FDCSP: variants seen among roughly 807,000 people sequenced by gnomAD.
FDCSP encodes follicular dendritic cell secreted protein.
Under a neutral mutation model 8.9 loss-of-function variants are expected in FDCSP, and 8 were observed. That is an observed-to-expected ratio of 0.90 (90% CI 0.53 to 1.63). FDCSP has a LOEUF of 1.63. Ranked by LOEUF, FDCSP falls within the 40% of genes most tolerant of loss-of-function variation. FDCSP has a pLI of 0.00. For synonymous variants in FDCSP, 34 were observed against 34.5 expected (o/e 0.98, Z 0.06); for missense variants, 101 against 103.6 (o/e 0.98, Z 0.11).
At chr4:70,234,569 A>T (rs2109687557) in intron 4 of FDCSP, among the ~76,000 whole-genome samples, 1 of 151,772 alleles carries the variant, frequency 6.6e-6, no homozygotes, top group South Asian at 2.1e-4. Context: ...ATAGTAGATG[A>T]AGTTATGGGC....
At chr4:70,233,880 C>T in intron 3 of FDCSP, 140 bp from the exon 4 acceptor site, 1 of 702,126 alleles carries the variant, frequency 1.4e-6, no homozygotes, top group Non-Finnish European at 2.3e-6. Flanking sequence ...GTCCATAGTA[C>T]ACACAGAAAG....
chr4:70,229,684 G>T (rs1730046908), intron 1 of FDCSP, among the ~76,000 whole-genome samples: 1 of 151,588 alleles, frequency 6.6e-6, no homozygotes, highest in Non-Finnish European at 1.5e-5. Flanking sequence ...ATAACTGGGG[G>T]CATGGCCAGT....
intron 4 of FDCSP, among the ~76,000 whole-genome samples, chr4:70,234,782 A>G (rs190709310): frequency 6.6e-6 from 1 of 151,308 alleles, no homozygotes. Context: ...TTGAGGAAAT[A>G]TAATCTATAC....
In FDCSP at chr4:70,234,289, A is replaced by T. The variant is rs1168618355; in HGVS notation, c.*28+74A>T. 14 of 1,259,020 alleles carry T rather than the reference A, an allele frequency of 1.1e-5. No individual in the cohort carries two copies. The East Asian group carries it at 3.5e-4, about 32-fold the overall frequency. 78.0% of individuals were successfully genotyped at this position (1,259,020 alleles called of 1,614,324 possible). On this transcript the variant is annotated intron_variant, in intron 4 of 4. Transcript: ENST00000317987. ...GAATCCATAATTTCAAGGAAAAAAA[A>T]ATGTTAACTATGTCCCTAGTTGGCC...
intron 3 of FDCSP, among the ~76,000 whole-genome samples, chr4:70,233,647 G>A (rs1384856427): frequency 1.3e-5 from 2 of 151,664 alleles, no homozygotes; most frequent in African/African-American, 4.8e-5. Context: ...GCAGGAAGAA[G>A]GAACTGAGAT....
At chr4:70,234,969 C>T (rs1419421479) in intron 4 of FDCSP, 116 bp from the exon 5 acceptor site, 1 of 151,486 alleles carries the variant, frequency 6.6e-6, no homozygotes, top group Non-Finnish European at 1.5e-5. Context: ...GTTTCCCAGT[C>T]CTTGAACTAG....
chr4:70,230,987 C>T (rs1730069764), intron 1 of FDCSP, among the ~76,000 whole-genome samples: 1 of 151,608 alleles, frequency 6.6e-6, no homozygotes, highest in Non-Finnish European at 1.5e-5. Flanking sequence ...TTACAAAGCT[C>T]CTTTGCTTTG....
rs781620798 is a variant in FDCSP, at chr4:70,231,184, C to A, written c.1-11C>A. 3.2e-6 allele frequency: 5 copies of A among 1,585,848 alleles called. No homozygotes were observed. Among genetic ancestry groups the A allele is most frequent in the Non-Finnish European group, 4.3e-6 (5 of 1,165,262 alleles). On this transcript the variant is annotated splice_polypyrimidine_tract_variant and intron_variant, in intron 1 of 4. Coordinates refer to ENST00000317987, the MANE Select transcript of FDCSP (RefSeq NM_152997.4). The stretch of plus-strand genomic sequence containing the variant: ...AAGTTCTTCTTATTTTTTATTTACT[C>A]CATTTTGCAGATGAAGAAAGTTCTC...
intron 2 of FDCSP, 58 bp from the exon 3 acceptor site, chr4:70,232,936 A>G: frequency 7.2e-7 from 1 of 1,388,400 alleles, no homozygotes; most frequent in Non-Finnish European, 1.0e-6. Flanking sequence ...ATATGTATAT[A>G]TTTATTTGTG....
chr4:70,234,308 G>C (rs1279493467), intron 4 of FDCSP, 93 bp downstream of exon 4: 3 of 1,028,658 alleles, frequency 2.9e-6, no homozygotes, highest in Admixed American at 2.9e-5. Context: ...TATGTCCCTA[G>C]TTGGCCCCTT....
intron 1 of FDCSP, among the ~76,000 whole-genome samples, chr4:70,230,209 C>T (rs926212308): frequency 9.9e-5 from 15 of 151,694 alleles, no homozygotes; most frequent in African/African-American, 3.1e-4. Flanking sequence ...TTTCCCAGAA[C>T]CCCCCACATA....
chr4:70,231,844 C>A lies in FDCSP; in HGVS notation c.57+593C>A, dbSNP rs1478367123. 2.0e-5 allele frequency among the ~76,000 whole-genome samples: 3 copies of A among 151,616 alleles called. No individual in the cohort carries two copies. In the East Asian group the frequency reaches 5.8e-4, roughly 29 times the overall value. The stretch of plus-strand genomic sequence containing the variant: ...CACATGTCTAACTGCCCCTGAAGAT[C>A]TTCCAGTAGGAAAAGATGGGGAGGT... On this transcript the variant is annotated intron_variant, in intron 2 of 4. Coordinates refer to ENST00000317987, the MANE Select transcript of FDCSP (RefSeq NM_152997.4).
At chr4:70,231,056 G>A (rs1305532385) in intron 1 of FDCSP, 139 bp from the exon 2 acceptor site, 8 of 612,714 alleles carry the variant, frequency 1.3e-5, no homozygotes, top group Non-Finnish European at 1.9e-5. Flanking sequence ...TAAGTGACTT[G>A]CTCAAACTCA....
At chr4:70,227,816 T>C (rs810359) in intron 1 of FDCSP, among the ~76,000 whole-genome samples, 2 of 151,826 alleles carry the variant, frequency 1.3e-5, no homozygotes, top group African/African-American at 4.8e-5. Context: ...TTAAGTGTAA[T>C]AGCAGTATGT....
At chr4:70,231,323 C>A in intron 2 of FDCSP, 72 bp downstream of exon 2, 2 of 1,231,222 alleles carry the variant, frequency 1.6e-6, no homozygotes, top group Non-Finnish European at 2.3e-6. Flanking sequence ...CAACCAGGAA[C>A]CACATACACA....
chr4:70,234,357 A>G, intron 4 of FDCSP, 142 bp downstream of exon 4: 1 of 657,338 alleles, frequency 1.5e-6, no homozygotes, highest in Non-Finnish European at 2.5e-6. Flanking sequence ...TCTGGTAGAT[A>G]CTGTCACGTG....
intron 4 of FDCSP, 130 bp from the exon 5 acceptor site, chr4:70,234,955 G>C (rs770857231): frequency 1.3e-5 from 2 of 151,462 alleles, no homozygotes; most frequent in Admixed American, 6.6e-5. Context: ...ATCTTGAGCA[G>C]ATGGTTTCCC....
chr4:70,233,154 G>A, intron 3 of FDCSP, 128 bp downstream of exon 3: 1 of 720,866 alleles, frequency 1.4e-6, no homozygotes, highest in Non-Finnish European at 2.2e-6. Flanking sequence ...TTTGGTATTA[G>A]CACTCAACAG....
At chr4:70,233,985 G>T in intron 3 of FDCSP, 35 bp from the exon 4 acceptor site, 1 of 1,538,790 alleles carries the variant, frequency 6.5e-7, no homozygotes, top group Non-Finnish European at 8.7e-7. Context: ...TTTGTAAAAA[G>T]TGAAATAAAC....
Sources: gnomAD v4.1 joint callset for allele counts (sites outside exome capture counted in the v4.1 genomes callset) on GRCh38, gnomAD v4.1.1 for gene constraint, MANE v1.5 for transcripts, NCBI Gene and HGNC (gene_info 2026-07-23, HGNC 2026-07-21) for gene names.